MECOM: variants seen among roughly 807,000 people sequenced by gnomAD.
The protein encoded by MECOM is MDS1 and EVI1 complex locus.
Under a neutral mutation model 116.3 loss-of-function variants are expected in MECOM, and 13 were observed. That is an observed-to-expected ratio of 0.11 (90% CI 0.07 to 0.18). MECOM has a LOEUF of 0.18. MECOM is among the 10% of genes least tolerant of loss of function. MECOM has a pLI of 1.00. For missense variants in MECOM, 1,299 were observed against 1,509.0 expected, an observed-to-expected ratio of 0.86 and a Z score of 2.31; for synonymous variants, 528 against 535.2, an observed-to-expected ratio of 0.99 and a Z score of 0.19.
intron 4 of MECOM, among the ~76,000 whole-genome samples, chr3:169,130,164 C>T (rs541256918): frequency 1.1e-3 from 172 of 152,288 alleles, no homozygotes; most frequent in African/African-American, 3.9e-3. Context: ...AGAACAGTCA[C>T]TTCTATTTAA....
intron 2 of MECOM, among the ~76,000 whole-genome samples, chr3:169,251,864 A>G (rs974178664): frequency 2.0e-5 from 3 of 152,210 alleles, no homozygotes; most frequent in Non-Finnish European, 2.9e-5. Context: ...ATAGGAATCT[A>G]TTGCTGCATT....
intron 2 of MECOM, among the ~76,000 whole-genome samples, chr3:169,191,039 C>T (rs1198191022): frequency 1.3e-5 from 2 of 151,994 alleles, no homozygotes; most frequent in Non-Finnish European, 2.9e-5. Flanking sequence ...GGACCAATTC[C>T]CATCTGGGAT....
chr3:169,483,638 G>T (rs1264133755), intron 1 of MECOM: 1 of 1,417,712 alleles, frequency 7.1e-7, no homozygotes, highest in Non-Finnish European at 9.6e-7. Context: ...TTTTATTCAA[G>T]AACTCATACA....
At chr3:169,498,496 T>A (rs1006550701) in intron 1 of MECOM, among the ~76,000 whole-genome samples, 1 of 152,178 alleles carries the variant, frequency 6.6e-6, no homozygotes, top group African/African-American at 2.4e-5. Context: ...TGGGTTTCAG[T>A]GTTTATACAG....
intron 2 of MECOM, among the ~76,000 whole-genome samples, chr3:169,272,656 T>C (rs1027273502): frequency 6.6e-6 from 1 of 152,178 alleles, no homozygotes; most frequent in African/African-American, 2.4e-5. Context: ...CTGGTGTGGA[T>C]GACGACTTCC....
chr3:169,488,241 T>C (rs764512762), intron 1 of MECOM, among the ~76,000 whole-genome samples: 6 of 151,884 alleles, frequency 4.0e-5, no homozygotes, highest in Non-Finnish European at 7.4e-5. Context: ...AAACTATTTT[T>C]CCAGGCCAGG....
chr3:169,583,757 C>A (rs1765402152), intron 1 of MECOM, among the ~76,000 whole-genome samples: 1 of 150,238 alleles, frequency 6.7e-6, no homozygotes, highest in Non-Finnish European at 1.5e-5. Flanking sequence ...CATGCCACCA[C>A]GTCTGGCTAA....
intron 10 of MECOM, among the ~76,000 whole-genome samples, chr3:169,104,354 G>C (rs1724625926): frequency 6.6e-6 from 1 of 152,122 alleles, no homozygotes; most frequent in African/African-American, 2.4e-5. Flanking sequence ...TGATACTCTT[G>C]TATTTGCATT....
intron 1 of MECOM, among the ~76,000 whole-genome samples, chr3:169,596,025 C>T (rs952411030): frequency 6.6e-6 from 1 of 152,014 alleles, no homozygotes; most frequent in African/African-American, 2.4e-5. Flanking sequence ...CAAGATGAAT[C>T]GATAAACTAG....
intron 2 of MECOM, among the ~76,000 whole-genome samples, chr3:169,182,712 T>C (rs1746136469): frequency 6.6e-6 from 1 of 152,214 alleles, no homozygotes; most frequent in South Asian, 2.1e-4. Context: ...TCTGTACTAA[T>C]GATTTTAGAA....
chr3:169,317,025 G>C (rs1332652180), intron 2 of MECOM, among the ~76,000 whole-genome samples: 1 of 152,122 alleles, frequency 6.6e-6, no homozygotes, highest in African/African-American at 2.4e-5. Context: ...ATAAGAAATG[G>C]ACTTAACTAT....
chr3:169,409,801 AGAAGAGCAT>A (rs1240856369), intron 1 of MECOM, among the ~76,000 whole-genome samples: 2 of 152,234 alleles, frequency 1.3e-5, no homozygotes, highest in Non-Finnish European at 2.9e-5. Context: ...TTCATGAGAC[AGAAGAGCAT>A]GCATCCATTG....
chr3:169,097,817 T>TTAAAAAAAAAAAAAA (rs1722127820), intron 12 of MECOM, among the ~76,000 whole-genome samples: 18 of 87,216 alleles, frequency 2.1e-4, no homozygotes, highest in Non-Finnish European at 3.8e-4. Context: ...ACTGTCTATA[T>TTAAAAAAAAAAAAAA]AAAAAAAAAA....
chr3:169,526,802 A>T (rs1758016377), intron 1 of MECOM, among the ~76,000 whole-genome samples: 2 of 152,124 alleles, frequency 1.3e-5, no homozygotes, highest in South Asian at 4.1e-4. Context: ...TACCCAGAGC[A>T]TGTCAGTATG....
intron 1 of MECOM, among the ~76,000 whole-genome samples, chr3:169,605,150 T>C (rs1172682043): frequency 6.6e-6 from 1 of 152,144 alleles, no homozygotes; most frequent in African/African-American, 2.4e-5. Context: ...GCTCTCGGAT[T>C]CCTAGACACA....
chr3:169,312,668 G>T (rs538049347), intron 2 of MECOM, among the ~76,000 whole-genome samples: 116 of 152,320 alleles, frequency 7.6e-4, no homozygotes, highest in Non-Finnish European at 1.5e-3. Context: ...GTGAGCCGCC[G>T]TGCCTGGCCA....
rs1358767356 is a variant in MECOM, at chr3:169,382,879, A to AAAAAAAAAAAAAAAAAAAAAAAAAAGAAG, written c.38-1356_38-1355insCTTCTTTTTTTTTTTTTTTTTTTTTTTTT. ...AAAAAAAAAAATAAAAAAAATAAAA[A>AAAAAAAAAAAAAAAAAAAAAAAAAAGAAG]AAGAAGGTAAAATGGGTTGCCTCCA... On this transcript the variant is annotated intron_variant, in intron 1 of 16. Coordinates refer to ENST00000651503, the MANE Select transcript of MECOM (RefSeq NM_004991.4). 6.5e-5 allele frequency among the ~76,000 whole-genome samples: 9 copies of AAAAAAAAAAAAAAAAAAAAAAAAAAGAAG among 138,550 alleles called. 3 individuals carry two copies. Among genetic ancestry groups the AAAAAAAAAAAAAAAAAAAAAAAAAAGAAG allele is most frequent in the Non-Finnish European group, 9.4e-5 (6 of 63,748 alleles). 90.9% of individuals were successfully genotyped at this position (138,550 alleles called of 152,430 possible).
intron 1 of MECOM, among the ~76,000 whole-genome samples, chr3:169,503,126 G>A (rs1754749091): frequency 6.6e-6 from 1 of 152,148 alleles, no homozygotes; most frequent in African/African-American, 2.4e-5. Flanking sequence ...ATTTTAGAGA[G>A]AGTGAACTGG....
At chr3:169,654,933 T>G (rs987397905) in intron 1 of MECOM, among the ~76,000 whole-genome samples, 3 of 152,086 alleles carry the variant, frequency 2.0e-5, no homozygotes, top group African/African-American at 7.2e-5. Context: ...AAATGAAACT[T>G]TGAAGCACCC....
Sources: gnomAD v4.1 joint callset for allele counts (sites outside exome capture counted in the v4.1 genomes callset) on GRCh38, gnomAD v4.1.1 for gene constraint, MANE v1.5 for transcripts, NCBI Gene and HGNC (gene_info 2026-07-23, HGNC 2026-07-21) for gene names.